Variants in HDAC9 observed in about 807,000 individuals in gnomAD.
HDAC9 encodes the protein histone deacetylase 9.
In HDAC9, 41 loss-of-function variants were observed where a neutral mutation model predicts 139.4. That is an observed-to-expected ratio of 0.29 (90% CI 0.23 to 0.38). The LOEUF is 0.38. Ranked by LOEUF, HDAC9 falls within the 10% of genes least tolerant of loss-of-function variation. The probability of loss-of-function intolerance (pLI) is 1.00; values close to 1 mark genes in which losing one functional copy is unlikely to be tolerated. For synonymous variants in HDAC9, 517 were observed against 476.2 expected, an observed-to-expected ratio of 1.09 and a Z score of -1.12; for missense variants, 1,147 against 1,297.0, an observed-to-expected ratio of 0.88 and a Z score of 1.78.
chr7:18,435,336 T>C (rs1370244179), intron 1 of HDAC9, among the ~76,000 whole-genome samples: 1 of 151,992 alleles, frequency 6.6e-6, no homozygotes, highest in Non-Finnish European at 1.5e-5. Flanking sequence ...TGAAATCATC[T>C]GTACACCAAA....
chr7:18,207,249 ATATCT>A (rs949547200), intron 2 of HDAC9, among the ~76,000 whole-genome samples: 37 of 152,148 alleles, frequency 2.4e-4, no homozygotes, highest in African/African-American at 8.7e-4. Context: ...CTGATTTGAA[ATATCT>A]TATAAGAACA....
intron 2 of HDAC9, among the ~76,000 whole-genome samples, chr7:18,267,125 A>G (rs1306805057): frequency 6.6e-6 from 1 of 152,180 alleles, no homozygotes; most frequent in Non-Finnish European, 1.5e-5. Flanking sequence ...TATCTAAAAG[A>G]CATGGCTTTA....
chr7:18,258,329 T>G (rs554847798), intron 2 of HDAC9, among the ~76,000 whole-genome samples: 3 of 152,308 alleles, frequency 2.0e-5, no homozygotes, highest in African/African-American at 7.2e-5. Flanking sequence ...CTGTTTCTTT[T>G]ATTTATTTTT....
intron 2 of HDAC9, among the ~76,000 whole-genome samples, chr7:18,560,462 C>T (rs1314398902): frequency 1.3e-5 from 2 of 152,196 alleles, no homozygotes; most frequent in African/African-American, 4.8e-5. Context: ...CTACCAACAT[C>T]CCCTGTATGC....
At chr7:18,960,631 CT>C in intron 24 of HDAC9, among the ~76,000 whole-genome samples, 1 of 152,070 alleles carries the variant, frequency 6.6e-6, no homozygotes, top group East Asian at 1.9e-4. Context: ...TATGTGGTAC[CT>C]AATTTTCTTG....
chr7:18,431,620 G>T (rs1790674043), intron 1 of HDAC9, among the ~76,000 whole-genome samples: 1 of 152,140 alleles, frequency 6.6e-6, no homozygotes, highest in African/African-American at 2.4e-5. Context: ...CATTCCTGAT[G>T]CAAATATCAT....
intron 1 of HDAC9, among the ~76,000 whole-genome samples, chr7:18,462,522 C>A: frequency 6.6e-6 from 1 of 151,894 alleles, no homozygotes; most frequent in East Asian, 1.9e-4. Context: ...AGCCCCCAAC[C>A]CCAACCCCAA....
At chr7:18,607,394 T>C (rs1835819142) in intron 6 of HDAC9, among the ~76,000 whole-genome samples, 1 of 152,212 alleles carries the variant, frequency 6.6e-6, no homozygotes, top group Non-Finnish European at 1.5e-5. Context: ...TGATGAGAGC[T>C]GTGTGACCTG....
At chr7:18,500,746 T>G (rs769915852) in intron 2 of HDAC9, among the ~76,000 whole-genome samples, 45 of 152,208 alleles carry the variant, frequency 3.0e-4, no homozygotes, top group Middle Eastern at 3.4e-3. Context: ...ACTTAGAGAT[T>G]CTGCCAAGAA....
At chr7:18,902,818 T>A (rs1314212345) in intron 22 of HDAC9, among the ~76,000 whole-genome samples, 3 of 152,326 alleles carry the variant, frequency 2.0e-5, no homozygotes, top group Middle Eastern at 3.4e-3. Context: ...TCACACTATT[T>A]ATAAGTGAAA....
chr7:18,726,811 T>C (rs1486880243), intron 12 of HDAC9, among the ~76,000 whole-genome samples: 1 of 151,960 alleles, frequency 6.6e-6, no homozygotes, highest in Non-Finnish European at 1.5e-5. Context: ...CATTGATGAT[T>C]AAATAAGCTG....
At chr7:18,954,105 T>A in intron 23 of HDAC9, 41 bp from the exon 24 acceptor site, 1 of 1,353,488 alleles carries the variant, frequency 7.4e-7, no homozygotes, top group Admixed American at 2.1e-5. Context: ...TACTATAAAG[T>A]CATAATATTC....
rs1794047399 is a variant in HDAC9, at chr7:18,463,795, A to AT, written c.-41-32461dup. 2.0e-5 allele frequency among the ~76,000 whole-genome samples: 3 copies of AT among 151,992 alleles called. No individual in the cohort carries two copies. The South Asian group carries it at 6.2e-4, about 32-fold the overall frequency. On this transcript the variant is annotated intron_variant, in intron 1 of 3. Transcript: ENST00000413509. ...GTTTTATTATCATCCAAATAAAATA[A>AT]TTTTTTGTTTTCCATTTGATTCCCT...
chr7:18,917,268 G>A (rs1433407337), intron 22 of HDAC9, among the ~76,000 whole-genome samples: 2 of 151,894 alleles, frequency 1.3e-5, no homozygotes, highest in Non-Finnish European at 2.9e-5. Context: ...ATCAAGCATG[G>A]GCACTGCACA....
At chr7:18,818,005 G>T (rs1794697873) in intron 17 of HDAC9, among the ~76,000 whole-genome samples, 1 of 152,136 alleles carries the variant, frequency 6.6e-6, no homozygotes, top group African/African-American at 2.4e-5. Flanking sequence ...ATATGAATTT[G>T]GGTAGCTGAA....
At chr7:18,578,496 C>G (rs1349580352) in intron 2 of HDAC9, among the ~76,000 whole-genome samples, 1 of 152,146 alleles carries the variant, frequency 6.6e-6, no homozygotes, top group African/African-American at 2.4e-5. Context: ...AGGCCTGTCC[C>G]CAGTCCCTCA....
chr7:18,949,517 A>T (rs773914762), intron 23 of HDAC9: 24 of 215,762 alleles, frequency 1.1e-4, no homozygotes, highest in Admixed American at 1.0e-3. Flanking sequence ...GGCTGTACAG[A>T]CATTTTCAAA....
At chr7:18,905,750 T>C (rs560364759) in intron 22 of HDAC9, among the ~76,000 whole-genome samples, 1 of 152,350 alleles carries the variant, frequency 6.6e-6, no homozygotes, top group South Asian at 2.1e-4. Flanking sequence ...TTCAGCCATC[T>C]GTGCATTTTA....
intron 22 of HDAC9, among the ~76,000 whole-genome samples, chr7:18,934,147 CTT>C (rs1781456611): frequency 6.6e-6 from 1 of 152,012 alleles, no homozygotes; most frequent in Non-Finnish European, 1.5e-5. Flanking sequence ...AAAAATATAA[CTT>C]AGGACGATAT....
Sources: allele counts gnomAD v4.1 joint callset (sites outside exome capture counted in the v4.1 genomes callset), GRCh38; gene constraint gnomAD v4.1.1; transcripts MANE v1.5; gene names NCBI Gene and HGNC (gene_info 2026-07-23, HGNC 2026-07-21).